The following DSCAM variants were observed in gnomAD, a reference collection of about 807,000 sequenced individuals.
DSCAM encodes DS cell adhesion molecule, also known as cell adhesion molecule DSCAM.
In DSCAM, 47 loss-of-function variants were observed where a neutral mutation model predicts 217.7. The observed-to-expected ratio is 0.22, with a 90% CI of 0.17 to 0.28. DSCAM has a LOEUF of 0.28. Among genes scored for constraint, DSCAM ranks in the 10% least tolerant of loss-of-function variants. DSCAM has a pLI of 1.00. For synonymous variants in DSCAM, 1,056 were observed against 1,015.3 expected (o/e 1.04, Z -0.76); for missense variants, 2,080 against 2,618.3 (o/e 0.79, Z 4.49).
chr21:40,279,952 G>C (rs1307191778), intron 10 of DSCAM, among the ~76,000 whole-genome samples: 1 of 151,958 alleles, frequency 6.6e-6, no homozygotes, highest in African/African-American at 2.4e-5. Context: ...TCACATACTG[G>C]GGCCTGTGAG....
chr21:40,739,934 C>G (rs1387703249), intron 1 of DSCAM, among the ~76,000 whole-genome samples: 1 of 146,948 alleles, frequency 6.8e-6, no homozygotes. Context: ...GAAAGGCCAC[C>G]TCTAGATGAT....
Position 40,603,921 on chromosome 21 carries a change from ATTTC to A in DSCAM, c.508+88885_508+88888del, listed in dbSNP as rs1462851393. Among the ~76,000 whole-genome samples, 6 of 62,830 alleles carry A rather than the reference ATTTC, an allele frequency of 9.5e-5. No individual in the cohort carries two copies. In the East Asian group the frequency reaches 2.4e-3, roughly 26 times the overall value. The allele number at this position is 62,830 out of a possible 152,430, so 41.2% of individuals were successfully genotyped here. On this transcript the variant is annotated intron_variant, in intron 3 of 32. Transcript: ENST00000400454. ...CATGCCTAGGTGTAGACTTTTTTGC[ATTTC>A]TTTTTTTTTTTTTTTTTTTTCTGAG...
At chr21:40,449,042 C>T (rs1161978455) in intron 3 of DSCAM, among the ~76,000 whole-genome samples, 3 of 152,206 alleles carry the variant, frequency 2.0e-5, no homozygotes, top group Non-Finnish European at 4.4e-5. Flanking sequence ...CAGAGGCTGC[C>T]GAAATTTCTT....
At chr21:40,590,429 T>A (rs2076975847) in intron 3 of DSCAM, among the ~76,000 whole-genome samples, 1 of 152,200 alleles carries the variant, frequency 6.6e-6, no homozygotes, top group Non-Finnish European at 1.5e-5. Context: ...TCCACCACTC[T>A]GCTCCCAGTG....
intron 12 of DSCAM, 114 bp downstream of exon 12, chr21:40,188,928 G>A (rs964143914): frequency 5.8e-5 from 62 of 1,077,048 alleles, no homozygotes; most frequent in East Asian, 2.6e-4. Context: ...ATAGTGCTTC[G>A]TAAATAAATT....
rs181659823 is a variant in DSCAM, at chr21:40,742,358, T to C, written c.44-33587A>G. Among the ~76,000 whole-genome samples the C allele has an allele frequency of 6.0e-4, 92 of 152,308 alleles. 1 individual carries two copies. The East Asian group carries it at 0.017, about 27-fold the overall frequency. ...TGATTTTTGTATCCTGCAACTTTAA[T>C]GAATTTGTTTAAAGATGGAGAAAGG... On this transcript the variant is annotated intron_variant, in intron 1 of 32. Transcript: ENST00000400454.
intron 11 of DSCAM, among the ~76,000 whole-genome samples, chr21:40,195,194 T>C (rs1042789007): frequency 2.0e-5 from 3 of 152,184 alleles, no homozygotes; most frequent in Non-Finnish European, 4.4e-5. Context: ...ACAGAGAGAA[T>C]GAAAAATTCT....
At chr21:40,421,433 C>G (rs1428720981) in intron 3 of DSCAM, among the ~76,000 whole-genome samples, 4 of 152,216 alleles carry the variant, frequency 2.6e-5, no homozygotes, top group Admixed American at 6.5e-5. Context: ...ATTCTGCAAA[C>G]TTCAGGGCAC....
chr21:40,492,720 T>C (rs1423671595), intron 3 of DSCAM, among the ~76,000 whole-genome samples: 1 of 151,812 alleles, frequency 6.6e-6, no homozygotes, highest in Non-Finnish European at 1.5e-5. Context: ...GAAGAAAGTA[T>C]ACATGGAATT....
chr21:40,276,238 G>A lies in DSCAM; in HGVS notation c.2215C>T (p.Leu739=). 1 of 1,610,162 alleles carries A rather than the reference G, an allele frequency of 6.2e-7. No individual in the cohort carries two copies. The highest frequency in any genetic ancestry group is 8.5e-7 in the Non-Finnish European group (1 of 1,178,600). The change falls in exon 11 of 33, where the codon CTA becomes TTA. Residue 739 remains leucine (L), a synonymous_variant. Coordinates refer to ENST00000400454, the MANE Select transcript of DSCAM (RefSeq NM_001389.5). The stretch of plus-strand genomic sequence containing the variant: ...CTGAGAACTTGGATTCGGCCATTTA[G>A]GGCAATTGGCTGGAACTGGGGAACC... ...AGVPQFQPIA[L]NGRIQVLSNG...
intron 3 of DSCAM, among the ~76,000 whole-genome samples, chr21:40,673,704 T>C (rs906548469): frequency 2.6e-5 from 4 of 152,142 alleles, no homozygotes; most frequent in Admixed American, 6.5e-5. Context: ...TTTCAGATGG[T>C]AAGTTCTCAT....
chr21:40,036,890 A>G (rs1247943015), intron 32 of DSCAM, among the ~76,000 whole-genome samples: 1 of 150,534 alleles, frequency 6.6e-6, no homozygotes, highest in East Asian at 1.9e-4. Flanking sequence ...GTAATCCAGC[A>G]TATAAACAGA....
chr21:40,790,406 T>C (rs1340106102), intron 1 of DSCAM, among the ~76,000 whole-genome samples: 1 of 152,198 alleles, frequency 6.6e-6, no homozygotes, highest in Non-Finnish European at 1.5e-5. Flanking sequence ...AACGTTTATC[T>C]TTCTCAAGCT....
chr21:40,202,110 T>C (rs2146858401), intron 11 of DSCAM, among the ~76,000 whole-genome samples: 1 of 152,296 alleles, frequency 6.6e-6, no homozygotes, highest in Non-Finnish European at 1.5e-5. Context: ...AGGATACCCA[T>C]GTGGCCTATG....
intron 11 of DSCAM, among the ~76,000 whole-genome samples, chr21:40,236,567 C>A (rs372997768): frequency 1.3e-5 from 2 of 152,130 alleles, no homozygotes; most frequent in African/African-American, 4.8e-5. Context: ...GAGCACATGA[C>A]GGGTTTTGAG....
intron 4 of DSCAM, among the ~76,000 whole-genome samples, chr21:40,367,936 A>G (rs2123695146): frequency 6.6e-6 from 1 of 152,312 alleles, no homozygotes; most frequent in South Asian, 2.1e-4. Context: ...TCACTCCAAA[A>G]CAAAAAATGA....
intron 11 of DSCAM, among the ~76,000 whole-genome samples, chr21:40,191,596 T>G (rs2090953453): frequency 6.6e-6 from 1 of 152,218 alleles, no homozygotes; most frequent in African/African-American, 2.4e-5. Context: ...GTTGTACACT[T>G]AATATTGCAT....
intron 3 of DSCAM, among the ~76,000 whole-genome samples, chr21:40,659,391 ATCATC>A (rs1186641703): frequency 2.1e-5 from 3 of 139,894 alleles, no homozygotes; most frequent in Admixed American, 6.9e-5. Flanking sequence ...CTATCTATCT[ATCATC>A]TCTCTCATCT....
intron 3 of DSCAM, among the ~76,000 whole-genome samples, chr21:40,630,016 G>C (rs2089666236): frequency 1.3e-5 from 2 of 152,132 alleles, no homozygotes; most frequent in Non-Finnish European, 2.9e-5. Context: ...TGCCCTTTAT[G>C]ACCTAGATTC....
Sources: allele counts gnomAD v4.1 joint callset (sites outside exome capture counted in the v4.1 genomes callset), GRCh38; gene constraint gnomAD v4.1.1; transcripts MANE v1.5; gene names NCBI Gene and HGNC (gene_info 2026-07-23, HGNC 2026-07-21).